Variants in KCNJ8 observed in about 807,000 individuals in gnomAD.
KCNJ8 encodes the protein potassium inwardly rectifying channel subfamily J member 8.
In KCNJ8, 13 loss-of-function variants were observed where a neutral mutation model predicts 28.2. The ratio of observed to expected loss-of-function variants is 0.46; its 90% CI spans 0.30 to 0.73. The LOEUF (loss-of-function observed/expected upper bound fraction) is 0.73. Among genes scored for constraint, KCNJ8 ranks in the 30% least tolerant of loss-of-function variants. The pLI, the probability that KCNJ8 is intolerant of heterozygous loss-of-function variation, is 0.07. For missense variants in KCNJ8, 284 were observed against 542.6 expected, an observed-to-expected ratio of 0.52 and a Z score of 4.73; for synonymous variants, 188 against 195.9, an observed-to-expected ratio of 0.96 and a Z score of 0.34.
Position 21,774,259 on chromosome 12 carries a change from AAG to A in KCNJ8, c.-71+285_-71+286del, listed in dbSNP as rs1481939331. Among the ~76,000 whole-genome samples, 5 of 152,194 alleles carry A rather than the reference AAG, an allele frequency of 3.3e-5. No homozygotes were observed. The East Asian group carries it at 9.6e-4, about 29-fold the overall frequency. On this transcript the variant is annotated intron_variant, in intron 1 of 2. Transcript: ENST00000240662. ...GTTATAAGAATTATTTTAAATGCGA[AAG>A]AAGTATGAGTTGCATCTAAAAAGAG...
In KCNJ8 at chr12:21,765,543, C is replaced by A; in HGVS notation, c.*180G>T. On this transcript the variant is annotated 3_prime_UTR_variant, in exon 3 of 3. Transcript: ENST00000240662. ...ATGAAACAAGCATAAGCCATGAATCCTCCACTTGGTGTGTTACTTTTTATT... is the reference window on the plus strand; with the variant it reads ...ATGAAACAAGCATAAGCCATGAATCATCCACTTGGTGTGTTACTTTTTATT... The A allele has an allele frequency of 1.5e-6, 1 of 651,248 alleles. No homozygotes were observed. 40.3% of individuals were successfully genotyped at this position (651,248 alleles called of 1,614,324 possible).
chr12:21,774,334 T>TC (rs1940836923), intron 1 of KCNJ8, among the ~76,000 whole-genome samples: 1 of 150,892 alleles, frequency 6.6e-6, no homozygotes. Flanking sequence ...TGAAAACTTT[T>TC]TTTTTTTTTT....
chr12:21,767,313 C>A (rs1308619279), intron 2 of KCNJ8, among the ~76,000 whole-genome samples: 4 of 117,228 alleles, frequency 3.4e-5, no homozygotes, highest in Admixed American at 7.7e-5. Context: ...CCCCAACCCC[C>A]CCCCCCCCCA....
intron 2 of KCNJ8, among the ~76,000 whole-genome samples, chr12:21,771,370 T>C (rs1409579681): frequency 6.6e-6 from 1 of 152,222 alleles, no homozygotes; most frequent in African/African-American, 2.4e-5. Context: ...TGTTTAGCTG[T>C]TTCTTTGTTC....
intron 2 of KCNJ8, among the ~76,000 whole-genome samples, chr12:21,770,267 C>G (rs1454664780): frequency 6.6e-6 from 1 of 152,064 alleles, no homozygotes; most frequent in Admixed American, 6.6e-5. Flanking sequence ...TGAACATTAG[C>G]ATTTTTTAGC....
chr12:21,773,540 C>A lies in KCNJ8; in HGVS notation c.77G>T (p.Arg26Leu). The A allele has an allele frequency of 1.2e-6, 2 of 1,614,194 alleles. No individual in the cohort carries two copies. The highest frequency in any genetic ancestry group is 8.5e-7 in the Non-Finnish European group (1 of 1,180,032). The change falls in exon 2 of 3, where the codon CGC becomes CTC. Residue 26 changes from arginine to leucine, a missense_variant. Around this residue, in one of 8 missense-constraint regions of KCNJ8, gnomAD observed 54 missense variants for 77.5 expected, o/e 0.70. Coordinates refer to ENST00000240662, the MANE Select transcript of KCNJ8 (RefSeq NM_004982.4). This position sits in a 1 kb window ranked among gnomAD's most constrained non-coding sequence, Gnocchi z 4.6. The stretch of plus-strand genomic sequence containing the variant: ...GGCTTTGGGGAGGCGGTCTCGGATG[C>A]GCGGCTTGCGCAGGTTCTCTGCGGC... The part of the protein sequence containing the change: ...RIAAENLRKP[R>L]IRDRLPKARF...
In KCNJ8 at chr12:21,773,708, T is replaced by C; in HGVS notation, c.-70-22A>G. 1.9e-6 allele frequency: 3 copies of C among 1,554,956 alleles called. No homozygotes were observed. Among genetic ancestry groups the C allele is most frequent in the Non-Finnish European group, 2.6e-6 (3 of 1,141,030 alleles). ...CCTCCTGCACGAGGGAAACATTTAT[T>C]AAAAACTTAAAAACCCACCCTATCC... is the stretch of plus-strand genomic sequence containing the variant. On this transcript the variant is annotated intron_variant, in intron 1 of 2. Coordinates refer to ENST00000240662, the MANE Select transcript of KCNJ8 (RefSeq NM_004982.4). The surrounding 1 kb of genome is among the most constrained non-coding windows in gnomAD (Gnocchi z 4.6).
At chr12:21,767,622 TC>T (rs1940662832) in intron 2 of KCNJ8, among the ~76,000 whole-genome samples, 1 of 151,996 alleles carries the variant, frequency 6.6e-6, no homozygotes, top group African/African-American at 2.4e-5. Context: ...GCAAAACCAG[TC>T]CCTGGCTCCA....
chr12:21,772,408 A>G (rs1009652935), intron 2 of KCNJ8, among the ~76,000 whole-genome samples: 1 of 152,218 alleles, frequency 6.6e-6, no homozygotes. Context: ...AATCACCTCA[A>G]CTAAATGTTC....
At chr12:21,768,351 A>G (rs374256763) in intron 2 of KCNJ8, among the ~76,000 whole-genome samples, 4 of 152,234 alleles carry the variant, frequency 2.6e-5, no homozygotes, top group African/African-American at 9.6e-5. Flanking sequence ...AGCCATGCCC[A>G]TATAAGATGG....
chr12:21,774,059 G>C (rs1940829769), intron 1 of KCNJ8, among the ~76,000 whole-genome samples: 1 of 152,130 alleles, frequency 6.6e-6, no homozygotes, highest in African/African-American at 2.4e-5. Context: ...AAGACCAGTT[G>C]GGTGCACGAT....
chr12:21,768,528 C>T (rs781667824), intron 2 of KCNJ8, among the ~76,000 whole-genome samples: 3 of 152,148 alleles, frequency 2.0e-5, no homozygotes, highest in South Asian at 2.1e-4. Flanking sequence ...AGGAAATATT[C>T]GCTGTCTCTC....
Position 21,766,664 on chromosome 12 carries a change from AT to A in KCNJ8, c.375-42del, listed in dbSNP as rs750294620. 2 of 1,461,926 alleles carry A rather than the reference AT, an allele frequency of 1.4e-6. No homozygotes were observed. The highest frequency in any genetic ancestry group is 3.4e-5 in the Admixed American group (2 of 58,466). The allele number at this position is 1,461,926 out of a possible 1,614,324, so 90.6% of individuals were successfully genotyped here. A position where few individuals can be genotyped will look rare whatever the true frequency, so the allele number is the denominator to read the frequency against. On this transcript the variant is annotated intron_variant, in intron 2 of 2. Coordinates refer to ENST00000240662, the MANE Select transcript of KCNJ8 (RefSeq NM_004982.4). This position sits in a 1 kb window ranked among gnomAD's most constrained non-coding sequence, Gnocchi z 6.5. ...TCAGAAAAGAACACCATCAGGTCAC[AT>A]TTTGAATAATGAAATATGCCAAGCT...
At chr12:21,770,046 A>G in intron 2 of KCNJ8, among the ~76,000 whole-genome samples, 1 of 152,258 alleles carries the variant, frequency 6.6e-6, no homozygotes, top group Non-Finnish European at 1.5e-5. Flanking sequence ...TACTGTGGGT[A>G]AAATGCTATC....
intron 2 of KCNJ8, among the ~76,000 whole-genome samples, chr12:21,768,678 T>C (rs1940691322): frequency 6.6e-6 from 1 of 152,184 alleles, no homozygotes; most frequent in Non-Finnish European, 1.5e-5. Flanking sequence ...AAATTCAAAG[T>C]GCTACTCCAG....
At position 21,765,795 on chromosome 12, in the gene KCNJ8, G is replaced by T; in HGVS notation, c.1203C>A (p.Asn401Lys). Reference sequence around the variant, plus strand: ...CCTTTGGTACCATGAGGGAAGAATTGTTCCTTCGGATAGAATTGTTCCTCC... The same window carrying T: ...CCTTTGGTACCATGAGGGAAGAATTTTTCCTTCGGATAGAATTGTTCCTCC... The part of the protein sequence containing the change: ...SMRRNNSIRR[N>K]NSSLMVPKVQ... The change falls in exon 3 of 3, where the codon AAC becomes AAA. Residue 401 changes from asparagine (N) to lysine (K), a missense_variant. By Grantham distance (94) the Asn-to-Lys change is moderately conservative. Transcript: ENST00000240662. 1 of 1,613,992 alleles carries T rather than the reference G, an allele frequency of 6.2e-7. No individual in the cohort carries two copies. Among genetic ancestry groups the T allele is most frequent in the Non-Finnish European group, 8.5e-7 (1 of 1,179,836 alleles).
At position 21,766,855 on chromosome 12, in the gene KCNJ8, T is replaced by C. The variant is rs1940635774; in HGVS notation, c.375-232A>G. The stretch of plus-strand genomic sequence containing the variant: ...GGAGATTAACATTCTATTAATTAAG[T>C]TCCCTTAAGCTAAGGCCTAATTCTA... On this transcript the variant is annotated intron_variant, in intron 2 of 2. Coordinates refer to ENST00000240662, the MANE Select transcript of KCNJ8 (RefSeq NM_004982.4). This position sits in a 1 kb window ranked among gnomAD's most constrained non-coding sequence, Gnocchi z 6.5. 6 of 572,262 alleles carry C rather than the reference T, an allele frequency of 1.0e-5. No individual in the cohort carries two copies. The South Asian group carries it at 1.2e-4, about 12-fold the overall frequency. The allele number at this position is 572,262 out of a possible 1,614,324, so 35.4% of individuals were successfully genotyped here. A position where few individuals can be genotyped will look rare whatever the true frequency, so the allele number is the denominator to read the frequency against.
intron 2 of KCNJ8, among the ~76,000 whole-genome samples, chr12:21,767,568 C>T (rs1940660494): frequency 6.6e-6 from 1 of 152,030 alleles, no homozygotes; most frequent in Non-Finnish European, 1.5e-5. Context: ...TATCCCCACA[C>T]CATCCCCATC....
chr12:21,773,577 G>A lies in KCNJ8; in HGVS notation c.40C>T (p.Leu14=). 6.2e-7 allele frequency: 1 copy of A among 1,613,994 alleles called. No individual in the cohort carries two copies. Among genetic ancestry groups the A allele is most frequent in the Non-Finnish European group, 8.5e-7 (1 of 1,180,052 alleles). The change falls in exon 2 of 3, where the codon CTG becomes TTG. Residue 14 remains leucine, a synonymous_variant. Coordinates refer to ENST00000240662, the MANE Select transcript of KCNJ8 (RefSeq NM_004982.4). This position sits in a 1 kb window ranked among gnomAD's most constrained non-coding sequence, Gnocchi z 4.6. ...RKSIIPEEYV[L]ARIAAENLRK... is the part of the protein sequence containing the mutation. ...AGGTTCTCTGCGGCGATGCGCGCCAGCACATACTCCTCCGGGATGATACTC... is the reference window on the plus strand; with the variant it reads ...AGGTTCTCTGCGGCGATGCGCGCCAACACATACTCCTCCGGGATGATACTC...
Sources: allele counts gnomAD v4.1 joint callset (sites outside exome capture counted in the v4.1 genomes callset), GRCh38; gene constraint gnomAD v4.1.1; regional missense constraint gnomAD v4.1.1; non-coding constraint Gnocchi (gnomAD v3.1); transcripts MANE v1.5; gene names NCBI Gene and HGNC (gene_info 2026-07-23, HGNC 2026-07-21).